Variants in CFAP20DC observed in about 807,000 individuals in gnomAD.
CFAP20DC encodes protein CFAP20DC.
CFAP20DC carries 84 observed loss-of-function variants against 101.7 expected under a neutral mutation model. The ratio of observed to expected loss-of-function variants is 0.83; its 90% confidence interval spans 0.69 to 0.99. The LOEUF (loss-of-function observed/expected upper bound fraction) is 0.99. CFAP20DC is among the 50% of genes least tolerant of loss of function. The pLI, the probability that CFAP20DC is intolerant of heterozygous loss-of-function variation, is 0.00. For synonymous variants in CFAP20DC, 359 were observed against 351.2 expected, an observed-to-expected ratio of 1.02 and a Z score of -0.25; for missense variants, 1,007 against 970.3, an observed-to-expected ratio of 1.04 and a Z score of -0.50.
chr3:58,976,004 A>C (rs574482739), intron 4 of CFAP20DC, among the ~76,000 whole-genome samples: 5 of 152,214 alleles, frequency 3.3e-5, no homozygotes, highest in Admixed American at 6.5e-5. Context: ...GCACCAGGTA[A>C]TGCTACACCT....
chr3:58,851,714 G>A (rs142295109), intron 12 of CFAP20DC, among the ~76,000 whole-genome samples: 115 of 151,882 alleles, frequency 7.6e-4, no homozygotes, highest in African/African-American at 2.5e-3. Context: ...ATATAACCAC[G>A]TCGATGTACT....
intron 6 of CFAP20DC, among the ~76,000 whole-genome samples, chr3:58,905,005 T>C (rs1185522270): frequency 6.6e-6 from 1 of 152,198 alleles, no homozygotes; most frequent in Non-Finnish European, 1.5e-5. Flanking sequence ...GCCAGGTCAT[T>C]TGCTAGAGAC....
intron 4 of CFAP20DC, among the ~76,000 whole-genome samples, chr3:59,033,279 A>G (rs1192625876): frequency 1.3e-5 from 2 of 152,168 alleles, no homozygotes; most frequent in Non-Finnish European, 2.9e-5. Context: ...CAAAAACCAG[A>G]ATGCCTCTTC....
At chr3:58,764,937 G>T (rs2070125420) in intron 15 of CFAP20DC, among the ~76,000 whole-genome samples, 1 of 152,098 alleles carries the variant, frequency 6.6e-6, no homozygotes, top group Non-Finnish European at 1.5e-5. Flanking sequence ...TCGAGACCAT[G>T]GATTTGTATT....
chr3:58,780,378 A>G (rs188470244), intron 15 of CFAP20DC, among the ~76,000 whole-genome samples: 1 of 152,120 alleles, frequency 6.6e-6, no homozygotes, highest in Non-Finnish European at 1.5e-5. Flanking sequence ...AAATAAAGGA[A>G]CAAAGGATAT....
chr3:59,048,449 A>T (rs1320172274), intron 1 of CFAP20DC, among the ~76,000 whole-genome samples: 1 of 152,180 alleles, frequency 6.6e-6, no homozygotes, highest in East Asian at 1.9e-4. Flanking sequence ...TAAATTTGAG[A>T]CAGCTAGTTG....
chr3:58,886,812 G>C (rs2081671643), intron 6 of CFAP20DC, among the ~76,000 whole-genome samples: 1 of 152,122 alleles, frequency 6.6e-6, no homozygotes, highest in African/African-American at 2.4e-5. Flanking sequence ...CTCAAGCATA[G>C]TTTTTAATTT....
In CFAP20DC at chr3:59,024,640, C is replaced by A. The variant is rs528070158; in HGVS notation, c.278+14917G>T. On this transcript the variant is annotated intron_variant, in intron 4 of 16. Coordinates refer to ENST00000482387, the MANE Select transcript of CFAP20DC (RefSeq NM_001394063.1). ...TCACAATTTATGAGAAAAAAAAATA[C>A]AGAAATGAGGAACCCTAGAGACACC... Among the ~76,000 whole-genome samples the A allele has an allele frequency of 3.9e-5, 6 of 152,166 alleles. No homozygotes were observed. In the South Asian group the frequency reaches 6.2e-4, roughly 16 times the overall value.
At chr3:58,802,271 T>C (rs1317987473) in intron 15 of CFAP20DC, among the ~76,000 whole-genome samples, 1 of 152,230 alleles carries the variant, frequency 6.6e-6, no homozygotes, top group East Asian at 1.9e-4. Flanking sequence ...ATAAATGACT[T>C]GAAGCTGCAA....
intron 14 of CFAP20DC, among the ~76,000 whole-genome samples, chr3:58,828,315 A>G (rs2108010885): frequency 6.6e-6 from 1 of 152,324 alleles, no homozygotes; most frequent in South Asian, 2.1e-4. Flanking sequence ...AGTGCCAAGC[A>G]TTTTATAAGG....
intron 10 of CFAP20DC, among the ~76,000 whole-genome samples, 179 bp downstream of exon 10, chr3:58,867,638 C>A (rs563496673): frequency 1.3e-5 from 2 of 152,216 alleles, no homozygotes; most frequent in Admixed American, 1.3e-4. Flanking sequence ...AGCAAATCTC[C>A]ATTAGGGATC....
chr3:58,776,035 C>T (rs1050816074), intron 15 of CFAP20DC, among the ~76,000 whole-genome samples: 1 of 152,146 alleles, frequency 6.6e-6, no homozygotes, highest in Non-Finnish European at 1.5e-5. Flanking sequence ...AGCCACTGTG[C>T]CCAGCCTTCC....
intron 14 of CFAP20DC, among the ~76,000 whole-genome samples, chr3:58,823,339 A>G (rs904944123): frequency 4.6e-5 from 7 of 152,170 alleles, no homozygotes; most frequent in African/African-American, 1.7e-4. Context: ...CACCAATGAA[A>G]TAATATAGAA....
chr3:58,952,949 AC>A (rs2108075764), intron 4 of CFAP20DC, among the ~76,000 whole-genome samples: 1 of 152,330 alleles, frequency 6.6e-6, no homozygotes, highest in Admixed American at 6.5e-5. Context: ...AGTGAAAAAA[AC>A]AAGGTCTCCA....
At chr3:58,798,189 T>C (rs1169065091) in intron 15 of CFAP20DC, among the ~76,000 whole-genome samples, 1 of 146,036 alleles carries the variant, frequency 6.8e-6, no homozygotes, top group East Asian at 1.9e-4. Flanking sequence ...ATTCCTCTGA[T>C]AAATCTGGGC....
At chr3:58,957,103 A>G (rs937209313) in intron 4 of CFAP20DC, among the ~76,000 whole-genome samples, 5 of 152,260 alleles carry the variant, frequency 3.3e-5, no homozygotes, top group East Asian at 1.9e-4. Context: ...CAAACTACCC[A>G]TGTGACAAGG....
At chr3:58,955,156 A>C (rs2090509953) in intron 4 of CFAP20DC, among the ~76,000 whole-genome samples, 1 of 152,140 alleles carries the variant, frequency 6.6e-6, no homozygotes, top group South Asian at 2.1e-4. Flanking sequence ...CCTTAGACCA[A>C]GAAGGGCAGA....
intron 16 of CFAP20DC, among the ~76,000 whole-genome samples, chr3:58,753,031 A>G (rs1230995839): frequency 1.3e-5 from 2 of 152,010 alleles, no homozygotes; most frequent in African/African-American, 4.8e-5. Context: ...CTGCCATCTC[A>G]ACTCCTCAGT....
chr3:59,037,693 T>A (rs1034638009), intron 4 of CFAP20DC, among the ~76,000 whole-genome samples: 38 of 151,758 alleles, frequency 2.5e-4, no homozygotes, highest in Non-Finnish European at 4.3e-4. Flanking sequence ...GGAGTCTAAA[T>A]TAAACCACTG....
Sources: gnomAD v4.1 joint callset for allele counts (sites outside exome capture counted in the v4.1 genomes callset) on GRCh38, gnomAD v4.1.1 for gene constraint, MANE v1.5 for transcripts, NCBI Gene and HGNC (gene_info 2026-07-23, HGNC 2026-07-21) for gene names.